The following SAMD5 variants were observed in gnomAD, a reference collection of about 807,000 sequenced individuals.
SAMD5 encodes sterile alpha motif domain containing 5.
Under a neutral mutation model 11.3 loss-of-function variants are expected in SAMD5, and 13 were observed. The observed-to-expected ratio is 1.15, with a 90% CI of 0.75 to 1.83. The LOEUF is 1.83. SAMD5 is among the 40% of genes most tolerant of loss of function. SAMD5 has a pLI of 0.00. For missense variants in SAMD5, 255 were observed against 239.1 expected, an observed-to-expected ratio of 1.07 and a Z score of -0.44; for synonymous variants, 129 against 111.3, an observed-to-expected ratio of 1.16 and a Z score of -1.00.
chr6:147,928,962 T>C, the SAMD5 span, among the ~76,000 whole-genome samples: 1 of 147,250 alleles, frequency 6.8e-6, no homozygotes, highest in African/African-American at 2.6e-5. Context: ...TTCCATATAA[T>C]TATGTGGTTT....
the SAMD5 span, among the ~76,000 whole-genome samples, chr6:147,877,207 T>A: frequency 6.6e-6 from 1 of 152,100 alleles, no homozygotes; most frequent in African/African-American, 2.4e-5. Context: ...AAATATTAAC[T>A]AAATATTAAA....
At position 147,733,564 on chromosome 6, in the gene SAMD5, C is replaced by A. The variant is rs567341785; in HGVS notation, c.163-3753C>A. Among the ~76,000 whole-genome samples, 4 of 152,140 alleles carry A rather than the reference C, an allele frequency of 2.6e-5. No homozygotes were observed. In the South Asian group the frequency reaches 8.3e-4, roughly 32 times the overall value. On this transcript the variant is annotated intron_variant, in intron 1 of 1. Transcript: ENST00000566741. Reference sequence around the variant, plus strand: ...CACTCCAGTCAGGACTTGAATCCAACTGTAGTCTCAGGAGTGAAAAGTCAA... The same window carrying A: ...CACTCCAGTCAGGACTTGAATCCAAATGTAGTCTCAGGAGTGAAAAGTCAA...
chr6:147,539,593 T>G (rs1030379155), intron 1 of SAMD5, among the ~76,000 whole-genome samples: 17 of 151,660 alleles, frequency 1.1e-4, no homozygotes, highest in Non-Finnish European at 1.9e-4. Flanking sequence ...GAGGTTTTTG[T>G]TTTTTTTCCC....
chr6:147,885,783 A>G, the SAMD5 span, among the ~76,000 whole-genome samples: 2 of 152,190 alleles, frequency 1.3e-5, no homozygotes, highest in Admixed American at 1.3e-4. Context: ...CCTTGGAGCA[A>G]TGATCATGGT....
intron 1 of SAMD5, among the ~76,000 whole-genome samples, chr6:147,551,746 C>T (rs1489467510): frequency 1.4e-5 from 2 of 146,252 alleles, no homozygotes; most frequent in Non-Finnish European, 3.0e-5. Flanking sequence ...CGATCTCAAA[C>T]GAAATGAAAA....
intron 1 of SAMD5, among the ~76,000 whole-genome samples, chr6:147,672,751 T>G (rs1790812120): frequency 6.6e-6 from 1 of 152,146 alleles, no homozygotes; most frequent in Non-Finnish European, 1.5e-5. Context: ...ATTATACTGC[T>G]CTTTCTTGGT....
chr6:147,724,847 C>T (rs373848896), intron 1 of SAMD5, among the ~76,000 whole-genome samples: 3 of 152,024 alleles, frequency 2.0e-5, no homozygotes, highest in Non-Finnish European at 4.4e-5. Context: ...ATGTCATACC[C>T]AAACCTAAGA....
chr6:147,596,640 C>T (rs1789535161), intron 1 of SAMD5, among the ~76,000 whole-genome samples: 1 of 152,074 alleles, frequency 6.6e-6, no homozygotes, highest in Non-Finnish European at 1.5e-5. Context: ...GAGCTGTTAC[C>T]AAAAACTCTA....
At chr6:147,563,995 T>C (rs1583085065) in intron 1 of SAMD5, among the ~76,000 whole-genome samples, 1 of 152,354 alleles carries the variant, frequency 6.6e-6, no homozygotes, top group African/African-American at 2.4e-5. Context: ...GCCTTTGGAA[T>C]GTCTCACAAT....
intron 1 of SAMD5, among the ~76,000 whole-genome samples, chr6:147,705,262 A>T (rs1363984745): frequency 2.6e-5 from 4 of 152,196 alleles, no homozygotes. Context: ...TGTGCTTTCC[A>T]TGAGTGCCTA....
At chr6:147,520,281 C>T (rs1042660134) in intron 1 of SAMD5, among the ~76,000 whole-genome samples, 3 of 152,024 alleles carry the variant, frequency 2.0e-5, no homozygotes, top group Non-Finnish European at 2.9e-5. Flanking sequence ...CATTGCCTGG[C>T]TAATTTTTGT....
At chr6:147,533,267 T>C (rs1788456958) in intron 1 of SAMD5, among the ~76,000 whole-genome samples, 1 of 151,562 alleles carries the variant, frequency 6.6e-6, no homozygotes, top group South Asian at 2.1e-4. Context: ...AGGCCTCAAC[T>C]TCATGGTAGA....
the SAMD5 span, among the ~76,000 whole-genome samples, chr6:147,873,795 T>G: frequency 2.6e-5 from 4 of 152,246 alleles, no homozygotes; most frequent in Non-Finnish European, 4.4e-5. Flanking sequence ...GATTTATCTT[T>G]ACTTCTTTAT....
chr6:147,782,400 A>G, the SAMD5 span, among the ~76,000 whole-genome samples: 8 of 152,332 alleles, frequency 5.3e-5, no homozygotes, highest in Non-Finnish European at 8.8e-5. Context: ...GCAGCTTGAC[A>G]GAAGGATATG....
Position 147,626,595 on chromosome 6 carries a change from A to G in SAMD5, c.163-110722A>G, listed in dbSNP as rs376350412. Among the ~76,000 whole-genome samples, 178 of 152,146 alleles carry G rather than the reference A, an allele frequency of 1.2e-3. 1 individual carries two copies. Among genetic ancestry groups the G allele is most frequent in the Non-Finnish European group, 1.9e-3 (131 of 67,980 alleles). On this transcript the variant is annotated intron_variant, in intron 1 of 1. Transcript: ENST00000566741. Reference sequence around the variant, plus strand: ...GTTTTCAGATTTCTAAAATGGAAATAATATTGGTACCTACCTTGTAAGGTC... The same window carrying G: ...GTTTTCAGATTTCTAAAATGGAAATGATATTGGTACCTACCTTGTAAGGTC...
chr6:147,607,842 A>G (rs1789725222), intron 1 of SAMD5, among the ~76,000 whole-genome samples: 1 of 152,200 alleles, frequency 6.6e-6, no homozygotes, highest in Non-Finnish European at 1.5e-5. Context: ...AAGTGAAAAG[A>G]CAACCCACAG....
intron 1 of SAMD5, among the ~76,000 whole-genome samples, chr6:147,635,275 A>G (rs1018021941): frequency 6.6e-6 from 1 of 152,140 alleles, no homozygotes; most frequent in Admixed American, 6.5e-5. Flanking sequence ...TTTGTCAAAC[A>G]CCTATTAAAA....
the SAMD5 span, among the ~76,000 whole-genome samples, chr6:147,893,816 G>A: frequency 6.6e-6 from 1 of 152,056 alleles, no homozygotes; most frequent in East Asian, 1.9e-4. Flanking sequence ...ACCCATTTTT[G>A]TACTCAGGTG....
chr6:147,909,560 T>TTTTCTTTCTTTC, the SAMD5 span, among the ~76,000 whole-genome samples: 674 of 78,784 alleles, frequency 8.6e-3, 10 homozygotes, highest in Non-Finnish European at 0.01. Flanking sequence ...CATCCATCTT[T>TTTTCTTTCTTTC]TTTCTTTCTT....
Sources: gnomAD v4.1 joint callset for allele counts (sites outside exome capture counted in the v4.1 genomes callset) on GRCh38, gnomAD v4.1.1 for gene constraint, MANE v1.5 for transcripts, NCBI Gene and HGNC (gene_info 2026-07-23, HGNC 2026-07-21) for gene names.